The following CAPRIN1 variants were observed in gnomAD, a reference collection of about 807,000 sequenced individuals.
The protein encoded by CAPRIN1 is cell cycle associated protein 1.
In CAPRIN1, 29 loss-of-function variants were observed where a neutral mutation model predicts 100.9. The observed-to-expected ratio is 0.29, with a 90% CI of 0.21 to 0.39. The LOEUF (loss-of-function observed/expected upper bound fraction) is 0.39. CAPRIN1 is among the 10% of genes least tolerant of loss of function. The probability of loss-of-function intolerance (pLI) is 1.00; values close to 1 mark genes in which losing one functional copy is unlikely to be tolerated. For missense variants in CAPRIN1, 795 were observed against 876.7 expected, an observed-to-expected ratio of 0.91 and a Z score of 1.18; for synonymous variants, 338 against 307.5, an observed-to-expected ratio of 1.10 and a Z score of -1.04.
At chr11:34,079,576 G>A in intron 6 of CAPRIN1, 52 bp from the exon 7 acceptor site, 1 of 1,497,738 alleles carries the variant, frequency 6.7e-7, no homozygotes, top group South Asian at 1.2e-5. Context: ...TCTTCTTCAA[G>A]CCAGGCATCC....
Position 34,099,910 on chromosome 11 carries a change from C to CAT in CAPRIN1, c.*547_*548dup, listed in dbSNP as rs1484259293. ...AAATTATGCATGGGTCCTAATCACACATATAAGGCTGGCTACCAGCTTTGA... is the reference window on the plus strand; with the variant it reads ...AAATTATGCATGGGTCCTAATCACACATATATAAGGCTGGCTACCAGCTTTGA... On this transcript the variant is annotated 3_prime_UTR_variant, in exon 19 of 19. Coordinates refer to ENST00000341394, the MANE Select transcript of CAPRIN1 (RefSeq NM_005898.5). The CAT allele has an allele frequency of 1.3e-5, 2 of 153,582 alleles. No homozygotes were observed. The highest frequency in any genetic ancestry group is 2.9e-5 in the Non-Finnish European group (2 of 68,660). The allele number at this position is 153,582 out of a possible 1,614,324, so 9.5% of individuals were successfully genotyped here.
intron 2 of CAPRIN1, among the ~76,000 whole-genome samples, chr11:34,060,339 TATTTTA>T (rs1850552141): frequency 6.6e-6 from 1 of 151,926 alleles, no homozygotes; most frequent in East Asian, 1.9e-4. Flanking sequence ...GTTCTAAAAA[TATTTTA>T]ATTTTAATTT....
chr11:34,072,154 TC>T (rs1189656471), intron 4 of CAPRIN1, among the ~76,000 whole-genome samples, 167 bp downstream of exon 4: 2 of 152,104 alleles, frequency 1.3e-5, no homozygotes, highest in African/African-American at 2.4e-5. Flanking sequence ...CTGAAAGATG[TC>T]TTTTAAAAAT....
chr11:34,098,729 G>T, intron 18 of CAPRIN1: 1 of 985,288 alleles, frequency 1.0e-6, no homozygotes, highest in South Asian at 4.7e-5. Context: ...TAGCATATTC[G>T]ATGAAAGTTG....
chr11:34,083,763 T>G (rs1851078102), intron 9 of CAPRIN1, among the ~76,000 whole-genome samples: 2 of 152,156 alleles, frequency 1.3e-5, no homozygotes, highest in South Asian at 4.1e-4. Context: ...AATATGTTAT[T>G]CTTATATCAA....
chr11:34,092,358 CTT>C (rs1216471251), intron 15 of CAPRIN1, among the ~76,000 whole-genome samples: 27 of 139,316 alleles, frequency 1.9e-4, no homozygotes, highest in Admixed American at 2.2e-4. Context: ...ATAAAGTGTA[CTT>C]TTTTTTTTTT....
At chr11:34,067,301 C>T (rs1850717689) in intron 2 of CAPRIN1, among the ~76,000 whole-genome samples, 1 of 152,032 alleles carries the variant, frequency 6.6e-6, no homozygotes, top group Non-Finnish European at 1.5e-5. Flanking sequence ...CTGTGGTCTG[C>T]TCTTTGAAAA....
intron 2 of CAPRIN1, among the ~76,000 whole-genome samples, chr11:34,068,062 T>C (rs2134099084): frequency 6.6e-6 from 1 of 152,344 alleles, no homozygotes; most frequent in East Asian, 1.9e-4. Flanking sequence ...TTGATGTTTC[T>C]GTTCGATGAC....
chr11:34,068,813 T>C (rs1293562585), intron 2 of CAPRIN1, among the ~76,000 whole-genome samples: 1 of 152,234 alleles, frequency 6.6e-6, no homozygotes, highest in African/African-American at 2.4e-5. Context: ...TTATATTTAT[T>C]TTCATCGCTA....
At chr11:34,063,579 T>C (rs1850626053) in intron 2 of CAPRIN1, among the ~76,000 whole-genome samples, 1 of 152,212 alleles carries the variant, frequency 6.6e-6, no homozygotes, top group Non-Finnish European at 1.5e-5. Context: ...CTCTGACATC[T>C]ACTGGGTGTG....
In CAPRIN1 at chr11:34,102,312, G is replaced by A. The variant is rs895789015; in HGVS notation, c.*2945G>A. 3.3e-5 allele frequency among the ~76,000 whole-genome samples: 5 copies of A among 152,184 alleles called. No individual in the cohort carries two copies. Among genetic ancestry groups the A allele is most frequent in the South Asian group, 2.1e-4 (1 of 4,838 alleles). ...GTCATATAACTAGAGGAAGTGGAAT[G>A]CAGATAAGTGCCGAATTCAAACCCT... On this transcript the variant is annotated 3_prime_UTR_variant, in exon 19 of 19. Transcript: ENST00000341394.
At position 34,082,862 on chromosome 11, in the gene CAPRIN1, A is replaced by G. The variant is rs1202986776; in HGVS notation, c.864A>G (p.Glu288=). The G allele has an allele frequency of 1.2e-6, 2 of 1,614,076 alleles. No individual in the cohort carries two copies. Among genetic ancestry groups the G allele is most frequent in the Non-Finnish European group, 1.7e-6 (2 of 1,179,970 alleles). Residue 288 remains glutamate, a synonymous_variant, in exon 8 of 19, where the codon GAA becomes GAG. Transcript: ENST00000341394. ...CAGAAGAGTACACTGAGCAAAGTGA[A>G]GTTGAATCAACAGAGGTATGATTTT... ...EPAEEYTEQS[E]VESTEYVNRQ...
chr11:34,087,543 C>T (rs1327631315), intron 11 of CAPRIN1, among the ~76,000 whole-genome samples: 2 of 123,678 alleles, frequency 1.6e-5, no homozygotes, highest in South Asian at 2.4e-4. Context: ...CTGTTTTAGC[C>T]GGGATGGTCT....
At chr11:34,090,483 TAA>T in intron 13 of CAPRIN1, 44 bp from the exon 14 acceptor site, 1 of 1,592,746 alleles carries the variant, frequency 6.3e-7, no homozygotes, top group East Asian at 2.2e-5. Context: ...TTTGTTTGGC[TAA>T]GTTTAGTTTA....
At chr11:34,057,136 C>G (rs1350339584) in intron 2 of CAPRIN1, among the ~76,000 whole-genome samples, 3 of 152,204 alleles carry the variant, frequency 2.0e-5, no homozygotes, top group African/African-American at 7.2e-5. Flanking sequence ...TTCCTTGAGG[C>G]TATTACCTGA....
chr11:34,079,657 G>A lies in CAPRIN1; in HGVS notation c.718G>A (p.Val240Ile), dbSNP rs1484946756. The A allele has an allele frequency of 2.5e-6, 4 of 1,613,978 alleles. No homozygotes were observed. The highest frequency in any genetic ancestry group is 1.3e-5 in the African/African-American group (1 of 75,030). ...AGTTCTAAAGGAAATTGTTGAGCGT[G>A]TTTTTCAGTCAAACTACTTTGACAG... is the stretch of plus-strand genomic sequence containing the variant. ...YKVLKEIVER[V>I]FQSNYFDSTH... Residue 240 changes from valine (V) to isoleucine (I), a missense_variant, in exon 7 of 19, where the codon GTT becomes ATT. By Grantham distance (29) the Val-to-Ile change is conservative. This residue lies in a region of CAPRIN1 where 648 missense variants were observed against 697.9 expected (regional missense o/e 0.93). Coordinates refer to ENST00000341394, the MANE Select transcript of CAPRIN1 (RefSeq NM_005898.5).
chr11:34,097,020 G>A (rs1262244289), intron 16 of CAPRIN1, among the ~76,000 whole-genome samples, 176 bp from the exon 17 acceptor site: 1 of 152,092 alleles, frequency 6.6e-6, no homozygotes. Context: ...TCTTCTGAGG[G>A]GCAGTTAGTA....
intron 2 of CAPRIN1, among the ~76,000 whole-genome samples, chr11:34,068,648 C>A (rs1258971448): frequency 6.6e-6 from 1 of 152,122 alleles, no homozygotes. Context: ...ATTTTAGTAT[C>A]TTTTCTGTTG....
At chr11:34,093,021 G>A (rs1391093478) in intron 15 of CAPRIN1, among the ~76,000 whole-genome samples, 1 of 149,988 alleles carries the variant, frequency 6.7e-6, no homozygotes, top group Non-Finnish European at 1.5e-5. Context: ...GCCATGGCTG[G>A]CTAATTTTTT....
Sources: allele counts gnomAD v4.1 joint callset (sites outside exome capture counted in the v4.1 genomes callset), GRCh38; gene constraint gnomAD v4.1.1; regional missense constraint gnomAD v4.1.1; transcripts MANE v1.5; gene names NCBI Gene and HGNC (gene_info 2026-07-23, HGNC 2026-07-21).